PCDHGA6: variants seen among roughly 807,000 people sequenced by gnomAD.
The protein encoded by PCDHGA6 is protocadherin gamma-A6.
PCDHGA6 carries 41 observed loss-of-function variants against 60.6 expected under a neutral mutation model. That is an observed-to-expected ratio of 0.68 (90% CI 0.53 to 0.88). PCDHGA6 has a LOEUF of 0.88. Ranked by LOEUF, PCDHGA6 falls within the 40% of genes least tolerant of loss-of-function variation. The pLI is 0.00. For missense variants in PCDHGA6, 1,312 were observed against 1,203.0 expected (o/e 1.09, Z -1.34); for synonymous variants, 594 against 524.4 (o/e 1.13, Z -1.81).
chr5:141,441,343 C>T (rs2098240806), intron 1 of PCDHGA6: 1 of 152,368 alleles, frequency 6.6e-6, no homozygotes, highest in African/African-American at 2.4e-5. Flanking sequence ...TAATTAACTA[C>T]ATGCTTGTAA....
intron 1 of PCDHGA6, among the ~76,000 whole-genome samples, chr5:141,438,370 A>G (rs2097956460): frequency 1.3e-5 from 2 of 152,004 alleles, no homozygotes; most frequent in South Asian, 4.2e-4. Context: ...CATTGAGGGC[A>G]GATATAATTT....
intron 1 of PCDHGA6, among the ~76,000 whole-genome samples, chr5:141,456,124 C>G (rs2098844023): frequency 6.6e-6 from 1 of 152,072 alleles, no homozygotes. Context: ...GTCTCCATCT[C>G]CTGACCTCCT....
chr5:141,418,413 A>T, intron 1 of PCDHGA6: 1 of 1,614,048 alleles, frequency 6.2e-7, no homozygotes, highest in Non-Finnish European at 8.5e-7. Flanking sequence ...GAGAAAGACA[A>T]TCCTGATGGT....
At chr5:141,401,856 T>C (rs778189763) in intron 1 of PCDHGA6, among the ~76,000 whole-genome samples, 2 of 152,228 alleles carry the variant, frequency 1.3e-5, no homozygotes, top group Non-Finnish European at 2.9e-5. Context: ...ACTTTTAACC[T>C]TTCAGTAGTT....
rs866649962 is a variant in PCDHGA6 at position 141,482,106 on chromosome 5, T to A, written c.2425-12701T>A. Reference sequence around the variant, plus strand: ...CTCCATCTCAAAAAAAAAAAAAAAATATCTAGAGATGGGAGAATCATATGG... The same window carrying A: ...CTCCATCTCAAAAAAAAAAAAAAAAAATCTAGAGATGGGAGAATCATATGG... On this transcript the variant is annotated intron_variant, in intron 1 of 3. Transcript: ENST00000517434. 2.5e-3 allele frequency among the ~76,000 whole-genome samples: 342 copies of A among 138,882 alleles called. 1 individual carries two copies. Among genetic ancestry groups the A allele is most frequent in the Middle Eastern group, 0.011 (3 of 272 alleles). 91.1% of individuals were successfully genotyped at this position (138,882 alleles called of 152,430 possible). A position where few individuals can be genotyped will look rare whatever the true frequency, so the allele number is the denominator to read the frequency against.
intron 1 of PCDHGA6, among the ~76,000 whole-genome samples, chr5:141,460,912 G>GTGTATA (rs145509489): frequency 0.032 from 4,842 of 149,286 alleles, 90 homozygotes; most frequent in Middle Eastern, 0.083. Flanking sequence ...ATTCCATGGT[G>GTGTATA]TATATATATA....
In PCDHGA6 at chr5:141,404,831, C is replaced by T. The variant is rs760971907; in HGVS notation, c.2424+28324C>T. 12 of 1,613,738 alleles carry T rather than the reference C, an allele frequency of 7.4e-6. No homozygotes were observed. The highest frequency in any genetic ancestry group is 3.3e-5 in the Admixed American group (2 of 59,978). On this transcript the variant is annotated intron_variant, in intron 1 of 3. Transcript: ENST00000517434. ...GGTGGGGCTGCACACAGGTGAAGTGCGCACAGCTCGGGCCCTGCTAGATAG... is the reference window on the plus strand; with the variant it reads ...GGTGGGGCTGCACACAGGTGAAGTGTGCACAGCTCGGGCCCTGCTAGATAG...
At chr5:141,385,006 G>A (rs762264055) in intron 1 of PCDHGA6, 10 of 1,613,972 alleles carry the variant, frequency 6.2e-6, no homozygotes, top group East Asian at 2.2e-5. Context: ...AGTCTCCTGC[G>A]TCTTCCTAGC....
chr5:141,404,545 G>A (rs763601254), intron 1 of PCDHGA6: 1 of 1,613,940 alleles, frequency 6.2e-7, no homozygotes, highest in Admixed American at 1.7e-5. Context: ...TGCAAATGCA[G>A]GTGACGGCAA....
At chr5:141,389,498 A>T (rs376900362) in intron 1 of PCDHGA6, 6 of 1,612,928 alleles carry the variant, frequency 3.7e-6, no homozygotes, top group African/African-American at 1.3e-5. Context: ...AGGGCTCGCC[A>T]GCGCTCAGCG....
chr5:141,469,283 T>C (rs576231993), intron 1 of PCDHGA6, among the ~76,000 whole-genome samples: 1 of 149,898 alleles, frequency 6.7e-6, no homozygotes, highest in African/African-American at 2.5e-5. Flanking sequence ...TCTCAAAAAA[T>C]AAAACAAAAT....
chr5:141,394,145 C>A, intron 1 of PCDHGA6: 1 of 1,613,962 alleles, frequency 6.2e-7, no homozygotes, highest in Non-Finnish European at 8.5e-7. Flanking sequence ...ACGTGGCAGA[C>A]ATTAACGACA....
At chr5:141,501,238 G>A (rs1482962385) in intron 2 of PCDHGA6, among the ~76,000 whole-genome samples, 2 of 151,018 alleles carry the variant, frequency 1.3e-5, no homozygotes, top group African/African-American at 4.9e-5. Flanking sequence ...AGTTTTTTGA[G>A]CATGATGTAG....
chr5:141,408,559 C>T (rs1490844526), intron 1 of PCDHGA6: 3 of 1,614,000 alleles, frequency 1.9e-6, no homozygotes, highest in Non-Finnish European at 2.5e-6. Flanking sequence ...TTTTTCATGT[C>T]ATTGTGGTGA....
Position 141,403,685 on chromosome 5 carries a change from C to G in PCDHGA6, c.2424+27178C>G, listed in dbSNP as rs778849334. On this transcript the variant is annotated intron_variant, in intron 1 of 3. Coordinates refer to ENST00000517434, the MANE Select transcript of PCDHGA6 (RefSeq NM_018919.3). ...TGATAATGCCCCGGTTTTTGCTCAA[C>G]GGATTTACCGAGTTAAAGTCCTTGA... 8 of 1,613,704 alleles carry G rather than the reference C, an allele frequency of 5.0e-6. No homozygotes were observed. In the Admixed American group the frequency reaches 1.0e-4, roughly 20 times the overall value.
chr5:141,391,681 T>TC (rs2092407596), intron 1 of PCDHGA6: 4 of 152,210 alleles, frequency 2.6e-5, no homozygotes, highest in Admixed American at 2.6e-4. Context: ...TGAAATAAGT[T>TC]CATCTGCTAC....
Position 141,375,769 on chromosome 5 carries a change from C to T in PCDHGA6, c.1686C>T (p.Ile562=). 1 of 1,614,238 alleles carries T rather than the reference C, an allele frequency of 6.2e-7. No homozygotes were observed. Among genetic ancestry groups the T allele is most frequent in the Non-Finnish European group, 8.5e-7 (1 of 1,180,038 alleles). The change falls in exon 1 of 4, where the codon ATC becomes ATT. Residue 562 remains isoleucine, a synonymous_variant. Transcript: ENST00000517434. The stretch of plus-strand genomic sequence containing the variant: ...ACCAGAATGACAATGCGCCCGAGAT[C>T]CTGTACCCCGCCCTCCCCACAGACG... ...VLDQNDNAPE[I]LYPALPTDGS...
intron 1 of PCDHGA6, chr5:141,427,871 GA>G: frequency 6.4e-7 from 1 of 1,559,532 alleles, no homozygotes; most frequent in Non-Finnish European, 8.8e-7. Context: ...TCGAGCTCAC[GA>G]TGCAGGCCCA....
In PCDHGA6 at chr5:141,375,606, A is replaced by T; in HGVS notation, c.1523A>T (p.Asn508Ile). 6.2e-7 allele frequency: 1 copy of T among 1,613,922 alleles called. No individual in the cohort carries two copies. The highest frequency in any genetic ancestry group is 8.5e-7 in the Non-Finnish European group (1 of 1,179,974). The change falls in exon 1 of 4, where the codon AAC becomes ATC. Residue 508 changes from asparagine to isoleucine, a missense_variant. Physicochemically the swap from Asn to Ile is moderately radical, Grantham distance 149. Coordinates refer to ENST00000517434, the MANE Select transcript of PCDHGA6 (RefSeq NM_018919.3). The part of the protein sequence containing the change: ...GAPLSSYVSI[N>I]SDTGILYALR... ...CCCCTGTCCTCCTACGTGTCCATCA[A>T]CTCCGACACTGGGATTCTGTACGCC... is the stretch of plus-strand genomic sequence containing the variant.
Sources: allele counts gnomAD v4.1 joint callset (sites outside exome capture counted in the v4.1 genomes callset), GRCh38; gene constraint gnomAD v4.1.1; transcripts MANE v1.5; gene names NCBI Gene and HGNC (gene_info 2026-07-23, HGNC 2026-07-21).